Variants in CPQ observed in about 807,000 individuals in gnomAD.
CPQ encodes Ser-Met dipeptidase.
A neutral mutation model predicts 45.7 loss-of-function variants in CPQ; 37 were observed. The ratio of observed to expected loss-of-function variants is 0.81; its 90% CI spans 0.62 to 1.07. The LOEUF is 1.07. Among genes scored for constraint, CPQ ranks in the 50% least tolerant of loss-of-function variants. CPQ has a pLI of 0.00. For synonymous variants in CPQ, 186 were observed against 205.8 expected (o/e 0.90, Z 0.82); for missense variants, 537 against 572.9 (o/e 0.94, Z 0.64).
intron 7 of CPQ, among the ~76,000 whole-genome samples, chr8:97,074,669 G>T (rs1000603163): frequency 6.6e-6 from 1 of 152,118 alleles, no homozygotes; most frequent in Non-Finnish European, 1.5e-5. Context: ...TACCCGGGAG[G>T]CTGAGGCAGG....
At chr8:96,986,661 T>C (rs967312635) in intron 5 of CPQ, among the ~76,000 whole-genome samples, 1 of 151,974 alleles carries the variant, frequency 6.6e-6, no homozygotes, top group Non-Finnish European at 1.5e-5. Flanking sequence ...GGGGAAACAG[T>C]GGGAGGGTGA....
chr8:96,735,028 T>C (rs1250091825), intron 1 of CPQ, among the ~76,000 whole-genome samples: 1 of 152,190 alleles, frequency 6.6e-6, no homozygotes, highest in African/African-American at 2.4e-5. Flanking sequence ...CTGTTCTGCT[T>C]AAATGTGACT....
chr8:96,649,255 G>A (rs1218082893), intron 1 of CPQ, among the ~76,000 whole-genome samples: 1 of 152,328 alleles, frequency 6.6e-6, no homozygotes, highest in African/African-American at 2.4e-5. Flanking sequence ...GGGATTACAG[G>A]CATGAGCCAC....
At position 96,934,869 on chromosome 8, in the gene CPQ, A is replaced by C. The variant is rs1406741807; in HGVS notation, c.850-31066A>C. On this transcript the variant is annotated intron_variant, in intron 4 of 7. Coordinates refer to ENST00000220763, the MANE Select transcript of CPQ (RefSeq NM_016134.4). ...CCAAAGATAAGCACTTACGGGCAGA[A>C]AAGGAACAGAGACAGATCATCACGG... 2.0e-5 allele frequency among the ~76,000 whole-genome samples: 3 copies of C among 152,186 alleles called. No homozygotes were observed. The East Asian group carries it at 5.8e-4, about 29-fold the overall frequency.
intron 1 of CPQ, among the ~76,000 whole-genome samples, chr8:96,717,026 TA>T (rs1353031727): frequency 3.5e-4 from 1 of 2,828 alleles, no homozygotes; most frequent in African/African-American, 9.6e-4. Context: ...ATGATATAAA[TA>T]TATATATATA....
intron 6 of CPQ, among the ~76,000 whole-genome samples, chr8:97,040,396 T>C (rs1810097030): frequency 6.6e-6 from 1 of 151,576 alleles, no homozygotes; most frequent in South Asian, 2.1e-4. Context: ...CTTTGTCAGA[T>C]GAGTAGGTTG....
At chr8:97,088,789 C>T (rs971149135) in intron 7 of CPQ, among the ~76,000 whole-genome samples, 1 of 152,086 alleles carries the variant, frequency 6.6e-6, no homozygotes, top group Non-Finnish European at 1.5e-5. Flanking sequence ...TATTTTTCAT[C>T]AAACTTGATT....
At chr8:97,136,119 A>G (rs1812053050) in intron 7 of CPQ, among the ~76,000 whole-genome samples, 1 of 152,162 alleles carries the variant, frequency 6.6e-6, no homozygotes, top group Non-Finnish European at 1.5e-5. Flanking sequence ...TATAATATTC[A>G]TCAGATGGTC....
intron 1 of CPQ, among the ~76,000 whole-genome samples, chr8:96,698,589 C>T (rs1375444790): frequency 2.0e-5 from 3 of 152,096 alleles, no homozygotes; most frequent in African/African-American, 7.2e-5. Flanking sequence ...TATTTGGAAA[C>T]TATCCATCTG....
chr8:96,677,160 G>A (rs555317253), intron 1 of CPQ, among the ~76,000 whole-genome samples: 3,678 of 151,882 alleles, frequency 0.024, 158 homozygotes, highest in African/African-American at 0.084. Context: ...TTTTTCCTAC[G>A]TGACTTCTTT....
At chr8:97,084,454 A>G (rs569741399) in intron 7 of CPQ, among the ~76,000 whole-genome samples, 2 of 152,188 alleles carry the variant, frequency 1.3e-5, no homozygotes, top group South Asian at 4.1e-4. Context: ...ATTTATGAAA[A>G]TTAGAACTAA....
intron 3 of CPQ, among the ~76,000 whole-genome samples, chr8:96,869,693 T>C (rs577404529): frequency 1.4e-4 from 21 of 152,188 alleles, no homozygotes; most frequent in African/African-American, 4.8e-4. Flanking sequence ...ATTAGCATTA[T>C]GTGGGAATTT....
At chr8:96,888,745 CTG>C in intron 4 of CPQ, among the ~76,000 whole-genome samples, 1 of 152,222 alleles carries the variant, frequency 6.6e-6, no homozygotes, top group East Asian at 1.9e-4. Context: ...TCATGGAACA[CTG>C]TTTTCACAGA....
At chr8:96,866,870 T>C (rs1487730666) in intron 3 of CPQ, among the ~76,000 whole-genome samples, 3 of 152,146 alleles carry the variant, frequency 2.0e-5, no homozygotes, top group Admixed American at 6.5e-5. Flanking sequence ...GGCCTAGGCC[T>C]TAGGAACACA....
chr8:96,814,882 A>G (rs1454318642), intron 2 of CPQ, among the ~76,000 whole-genome samples: 1 of 152,190 alleles, frequency 6.6e-6, no homozygotes, highest in African/African-American at 2.4e-5. Context: ...CATTAGGATA[A>G]ATGAAAAATG....
chr8:96,663,586 T>C (rs1004688191), intron 1 of CPQ, among the ~76,000 whole-genome samples: 16 of 152,246 alleles, frequency 1.1e-4, no homozygotes, highest in Non-Finnish European at 1.6e-4. Flanking sequence ...AGAAAATCTT[T>C]AGTTTCTTTT....
chr8:96,963,651 A>G (rs545556147), intron 4 of CPQ, among the ~76,000 whole-genome samples: 1 of 152,330 alleles, frequency 6.6e-6, no homozygotes, highest in South Asian at 2.1e-4. Context: ...TTGCACATAC[A>G]TATCAATCTG....
intron 7 of CPQ, among the ~76,000 whole-genome samples, chr8:97,090,634 A>G (rs1046849651): frequency 6.6e-6 from 1 of 152,078 alleles, no homozygotes; most frequent in Non-Finnish European, 1.5e-5. Context: ...ACCATATTTG[A>G]CTCACCGAAA....
intron 7 of CPQ, among the ~76,000 whole-genome samples, chr8:97,073,030 A>G (rs1326135493): frequency 6.6e-6 from 1 of 152,196 alleles, no homozygotes; most frequent in East Asian, 1.9e-4. Flanking sequence ...ACTGTAAGTT[A>G]TGATTAATTT....
Sources: gnomAD v4.1 joint callset for allele counts (sites outside exome capture counted in the v4.1 genomes callset) on GRCh38, gnomAD v4.1.1 for gene constraint, MANE v1.5 for transcripts, NCBI Gene and HGNC (gene_info 2026-07-23, HGNC 2026-07-21) for gene names.